PTPRU: variants seen among roughly 807,000 people sequenced by gnomAD.
The protein encoded by PTPRU is protein tyrosine phosphatase receptor type U, also known as receptor-type tyrosine-protein phosphatase U.
A neutral mutation model predicts 166.3 loss-of-function variants in PTPRU; 69 were observed. The observed-to-expected ratio is 0.41, with a 90% CI of 0.34 to 0.51. The LOEUF (loss-of-function observed/expected upper bound fraction) is 0.51. PTPRU is among the 20% of genes least tolerant of loss of function. PTPRU has a pLI of 0.09. For missense variants in PTPRU, 1,657 were observed against 2,013.7 expected, an observed-to-expected ratio of 0.82 and a Z score of 3.39; for synonymous variants, 793 against 814.0, an observed-to-expected ratio of 0.97 and a Z score of 0.44.
At chr1:29,263,937 G>A (rs184804949) in intron 7 of PTPRU, among the ~76,000 whole-genome samples, 94 of 152,224 alleles carry the variant, frequency 6.2e-4, no homozygotes, top group African/African-American at 2.1e-3. Flanking sequence ...AGCACTTTGG[G>A]GGGCCGAGGA....
chr1:29,286,332 A>T (rs113712893), intron 14 of PTPRU, among the ~76,000 whole-genome samples: 179 of 152,302 alleles, frequency 1.2e-3, no homozygotes, highest in African/African-American at 4.1e-3. Context: ...TAGTTATTGG[A>T]CATCTACTGT....
Position 29,316,049 on chromosome 1 carries a change from T to C in PTPRU, c.3411T>C (p.Cys1137=). The C allele has an allele frequency of 6.2e-7, 1 of 1,614,038 alleles. No individual in the cohort carries two copies. Among genetic ancestry groups the C allele is most frequent in the Non-Finnish European group, 8.5e-7 (1 of 1,179,894 alleles). The change falls in exon 24 of 30, where the codon TGT becomes TGC. Residue 1137 remains cysteine (C), a synonymous_variant. Transcript: ENST00000373779. ...ATGCAATCCTGGAGGCCTGCCTGTG[T>C]GGGGAGACCACCATCCCTGTCAGTG... ...IHDAILEACL[C]GETTIPVSEF...
At chr1:29,318,806 G>A (rs981190236) in intron 25 of PTPRU, among the ~76,000 whole-genome samples, 9 of 152,220 alleles carry the variant, frequency 5.9e-5, no homozygotes, top group African/African-American at 2.2e-4. Flanking sequence ...GGAAGGAGTG[G>A]AGCCAAGCAG....
At chr1:29,302,935 A>G (rs1012558985) in intron 15 of PTPRU, among the ~76,000 whole-genome samples, 1 of 152,200 alleles carries the variant, frequency 6.6e-6, no homozygotes, top group Non-Finnish European at 1.5e-5. Flanking sequence ...AATTGCCTAC[A>G]GTATTCAGTA....
intron 1 of PTPRU, among the ~76,000 whole-genome samples, chr1:29,246,291 G>A (rs1171490893): frequency 1.3e-5 from 2 of 152,262 alleles, no homozygotes; most frequent in African/African-American, 4.8e-5. Flanking sequence ...GTATCTGTAG[G>A]CTGGCGTCCT....
chr1:29,250,041 C>T (rs1170389189), intron 1 of PTPRU, among the ~76,000 whole-genome samples: 1 of 105,254 alleles, frequency 9.5e-6, no homozygotes, highest in Non-Finnish European at 2.0e-5. Context: ...TTGCTTTGCT[C>T]CCCTGGGTCT....
In PTPRU at chr1:29,294,100, T is replaced by C. The variant is rs570625410; in HGVS notation, c.2476+2074T>C. ...GCACCTGCACACAAGGTTCTAGAAATAGAATTGCTGGATTATGGAGTACGT... is the reference window on the plus strand; with the variant it reads ...GCACCTGCACACAAGGTTCTAGAAACAGAATTGCTGGATTATGGAGTACGT... On this transcript the variant is annotated intron_variant, in intron 15 of 29. Coordinates refer to ENST00000373779, the MANE Select transcript of PTPRU (RefSeq NM_133178.4). Among the ~76,000 whole-genome samples, 41 of 152,340 alleles carry C rather than the reference T, an allele frequency of 2.7e-4. 1 individual carries two copies. Among genetic ancestry groups the C allele is most frequent in the Admixed American group, 2.0e-3 (30 of 15,306 alleles).
At chr1:29,285,829 C>T (rs1346487708) in intron 14 of PTPRU, among the ~76,000 whole-genome samples, 1 of 152,222 alleles carries the variant, frequency 6.6e-6, no homozygotes, top group Admixed American at 6.5e-5. Flanking sequence ...AGCTCTGCCC[C>T]ACCATGTTCC....
At chr1:29,239,714 G>C (rs759246397) in intron 1 of PTPRU, among the ~76,000 whole-genome samples, 4 of 151,804 alleles carry the variant, frequency 2.6e-5, no homozygotes, top group Non-Finnish European at 4.4e-5. Flanking sequence ...CCTTTTCCTA[G>C]TTGCCCTCCT....
rs1019017798 is a variant in PTPRU at position 29,259,853 on chromosome 1, C to T, written c.676-17C>T. The T allele has an allele frequency of 1.3e-6, 2 of 1,525,386 alleles. No individual in the cohort carries two copies. Among genetic ancestry groups the T allele is most frequent in the Non-Finnish European group, 1.8e-6 (2 of 1,142,616 alleles). 94.5% of individuals were successfully genotyped at this position (1,525,386 alleles called of 1,614,324 possible). On this transcript the variant is annotated splice_polypyrimidine_tract_variant and intron_variant, in intron 5 of 29. Coordinates refer to ENST00000373779, the MANE Select transcript of PTPRU (RefSeq NM_133178.4). ...CGCTCCGAGGCGCCCCTGACCCCCT[C>T]ACTCTCTTCCCTGCAGCGGCAGAGC...
chr1:29,259,653 C>T (rs904765617), intron 5 of PTPRU, 89 bp downstream of exon 5: 53 of 1,346,912 alleles, frequency 3.9e-5, no homozygotes, highest in Non-Finnish European at 5.2e-5. Flanking sequence ...ATTGCTGAGT[C>T]CCTGCTTCAT....
intron 8 of PTPRU, 81 bp downstream of exon 8, chr1:29,275,837 G>A: frequency 6.8e-7 from 1 of 1,465,868 alleles, no homozygotes; most frequent in Middle Eastern, 1.9e-4. Context: ...TTTACTGAGG[G>A]TATTTTTTTC....
intron 1 of PTPRU, among the ~76,000 whole-genome samples, chr1:29,244,950 A>C (rs1430687493): frequency 6.6e-6 from 1 of 151,594 alleles, no homozygotes; most frequent in East Asian, 1.9e-4. Flanking sequence ...AGGGAGTAAT[A>C]GTGGTGGGGA....
chr1:29,315,940 C>G lies in PTPRU; in HGVS notation c.3364-62C>G. The G allele has an allele frequency of 6.3e-7, 1 of 1,586,206 alleles. No individual in the cohort carries two copies. The highest frequency in any genetic ancestry group is 1.2e-5 in the South Asian group (1 of 86,874). On this transcript the variant is annotated intron_variant, in intron 23 of 29. Coordinates refer to ENST00000373779, the MANE Select transcript of PTPRU (RefSeq NM_133178.4). This position sits in a 1 kb window ranked among gnomAD's most constrained non-coding sequence, Gnocchi z 4.5. ...TTCAACCTTGAGCTTGCTTAAGCCC[C>G]ATCACCACAGATCTCCAGCTTCTAG...
rs1558555881 is a variant in PTPRU at position 29,259,482 on chromosome 1, T to TGG, written c.594_595dup (p.Glu199GlyfsTer57). 6.2e-7 allele frequency: 1 copy of TGG among 1,611,170 alleles called. No individual in the cohort carries two copies. The highest frequency in any genetic ancestry group is 8.5e-7 in the Non-Finnish European group (1 of 1,178,846). On this transcript the variant is annotated frameshift_variant, in exon 5 of 30. Coordinates refer to ENST00000373779, the MANE Select transcript of PTPRU (RefSeq NM_133178.4). LOFTEE classifies it high-confidence loss of function. ...CCACACTTCTCCCGCCTGGGCGACG[T>TGG]GGAGGTCAACGCGGGCCAGAACGCG...
Position 29,275,638 on chromosome 1 carries a change from C to T in PTPRU, c.1335C>T (p.Val445=), listed in dbSNP as rs1434690559. The part of the protein sequence containing the change: ...IRECVKTEQG[V]SRYTIKNLLP... ...AGTGTGTGAAGACAGAGCAAGGTGT[C>T]AGCCGCTACACCATCAAGAACCTGC... Residue 445 remains valine (V), a synonymous_variant, in exon 8 of 30, where the codon GTC becomes GTT. Transcript: ENST00000373779. 6 of 1,614,056 alleles carry T rather than the reference C, an allele frequency of 3.7e-6. No homozygotes were observed. The African/African-American group carries it at 6.7e-5, about 18-fold the overall frequency.
intron 5 of PTPRU, 123 bp from the exon 6 acceptor site, chr1:29,259,747 C>A: frequency 7.6e-7 from 1 of 1,311,298 alleles, no homozygotes; most frequent in Non-Finnish European, 1.0e-6. Context: ...CAGGTTAGAG[C>A]GCGGCTCCAG....
chr1:29,304,176 A>AG, intron 16 of PTPRU, 131 bp downstream of exon 16: 3 of 1,058,958 alleles, frequency 2.8e-6, no homozygotes, highest in Non-Finnish European at 4.0e-6. Context: ...TTCCAACTCA[A>AG]CCTTTTTGAC....
rs979850938 is a variant in PTPRU, at chr1:29,260,272, G to A, written c.850+228G>A. ...AGGGGGACGGACAGGGTCAAGGTGA[G>A]AGCCTAAAGAGGGGTGGGGTTCTGG... On this transcript the variant is annotated intron_variant, in intron 6 of 29. Coordinates refer to ENST00000373779, the MANE Select transcript of PTPRU (RefSeq NM_133178.4). This position sits in a 1 kb window ranked among gnomAD's most constrained non-coding sequence, Gnocchi z 8.3. 3.3e-5 allele frequency: 17 copies of A among 513,402 alleles called. No individual in the cohort carries two copies. Among genetic ancestry groups the A allele is most frequent in the African/African-American group, 6.1e-5 (3 of 49,580 alleles). 31.8% of individuals were successfully genotyped at this position (513,402 alleles called of 1,614,324 possible). A position where few individuals can be genotyped will look rare whatever the true frequency, so the allele number is the denominator to read the frequency against.
Sources: gnomAD v4.1 joint callset for allele counts (sites outside exome capture counted in the v4.1 genomes callset) on GRCh38, gnomAD v4.1.1 for gene constraint, Gnocchi (gnomAD v3.1) non-coding constraint, MANE v1.5 for transcripts, NCBI Gene and HGNC (gene_info 2026-07-23, HGNC 2026-07-21) for gene names.